The following CROT variants were observed in gnomAD, a reference collection of about 807,000 sequenced individuals.
The protein encoded by CROT is peroxisomal carnitine O-octanoyltransferase.
A neutral mutation model predicts 89.2 loss-of-function variants in CROT; 84 were observed. That is an observed-to-expected ratio of 0.94 (90% CI 0.79 to 1.13). The LOEUF is 1.13. Ranked by LOEUF, CROT falls within the 50% of genes most tolerant of loss-of-function variation. The probability of loss-of-function intolerance (pLI) is 0.00; values close to 1 mark genes in which losing one functional copy is unlikely to be tolerated. For missense variants in CROT, 711 were observed against 727.8 expected (o/e 0.98, Z 0.27); for synonymous variants, 212 against 239.5 (o/e 0.89, Z 1.06).
At chr7:87,367,256 T>C (rs1806478038) in intron 6 of CROT, among the ~76,000 whole-genome samples, 2 of 152,228 alleles carry the variant, frequency 1.3e-5, no homozygotes, top group South Asian at 4.1e-4. Flanking sequence ...ACCAAAGAGA[T>C]GGAAGTATGA....
chr7:87,359,522 C>A, intron 4 of CROT, 192 bp downstream of exon 4: 1 of 1,336,470 alleles, frequency 7.5e-7, no homozygotes, highest in Non-Finnish European at 9.6e-7. Flanking sequence ...TGTTAAAATG[C>A]AGATTTGCTG....
At chr7:87,387,502 G>T (rs1807219282) in intron 13 of CROT, among the ~76,000 whole-genome samples, 1 of 151,606 alleles carries the variant, frequency 6.6e-6, no homozygotes, top group Non-Finnish European at 1.5e-5. Flanking sequence ...CATCATGGAG[G>T]TTAGGGGTCC....
chr7:87,378,507 G>C (rs1419978380), intron 10 of CROT, among the ~76,000 whole-genome samples: 7 of 152,130 alleles, frequency 4.6e-5, no homozygotes, highest in African/African-American at 1.7e-4. Context: ...GCTTTCATTA[G>C]AAATCTCTCC....
At position 87,377,380 on chromosome 7, in the gene CROT, C is replaced by T; in HGVS notation, c.908C>T (p.Thr303Ile). 1 of 1,610,406 alleles carries T rather than the reference C, an allele frequency of 6.2e-7. No individual in the cohort carries two copies. Among genetic ancestry groups the T allele is most frequent in the African/African-American group, 1.3e-5 (1 of 74,932 alleles). Residue 303 changes from threonine (T) to isoleucine (I), a missense_variant, in exon 10 of 18, where the codon ACA becomes ATA. Transcript: ENST00000331536. ...IIAAILIGDPTVRWGDKSYNL... is the reference protein window; with the variant it reads ...IIAAILIGDPIVRWGDKSYNL... ...GCAGCCATCCTTATTGGAGATCCAA[C>T]AGTACGCTGGGGTGACAAATCCTAT...
intron 7 of CROT, among the ~76,000 whole-genome samples, chr7:87,373,373 G>A (rs866469378): frequency 4.8e-4 from 73 of 151,854 alleles, no homozygotes; most frequent in Middle Eastern, 6.8e-3. Flanking sequence ...CCTAGGCTTG[G>A]CTTTTCACTT....
In CROT at chr7:87,398,639, CT is replaced by C; in HGVS notation, c.1837del (p.Ter613ArgfsTer25). 6.2e-7 allele frequency: 1 copy of C among 1,612,936 alleles called. No individual in the cohort carries two copies. ...GATACAGCTGATGAACTCTACTCAT[CT>C]TTAGAGATGAATCATCTATTAAGCA... The part of the protein sequence containing the change: ...DMIQLMNSTH[L>X] On this transcript the variant is annotated frameshift_variant, in exon 18 of 18. Transcript: ENST00000331536. LOFTEE classifies it high-confidence loss of function.
chr7:87,361,386 T>A lies in CROT; in HGVS notation c.241-4T>A. ...ATTAAGCTGATGTTCTCAATTTCTT[T>A]TAGCTGGAAGAGTGGTGGCTGAATG... On this transcript the variant is annotated splice_polypyrimidine_tract_variant and splice_region_variant and intron_variant, in intron 4 of 17. Transcript: ENST00000331536. The A allele has an allele frequency of 6.2e-7, 1 of 1,611,440 alleles. No individual in the cohort carries two copies. The highest frequency in any genetic ancestry group is 1.7e-4 in the Middle Eastern group (1 of 6,054).
rs941233060 is a variant in CROT, at chr7:87,359,814, G to A, written c.240+484G>A. The A allele has an allele frequency of 8.1e-6, 8 of 983,236 alleles. No individual in the cohort carries two copies. The African/African-American group carries it at 1.4e-4, about 17-fold the overall frequency. The allele number at this position is 983,236 out of a possible 1,614,324, so 60.9% of individuals were successfully genotyped here. On this transcript the variant is annotated intron_variant, in intron 4 of 17. Transcript: ENST00000331536. ...TCAGTTAGATAAATTGAGGAAGCTAGTATAATAATTATTGAAGGTCTCAAT... is the reference window on the plus strand; with the variant it reads ...TCAGTTAGATAAATTGAGGAAGCTAATATAATAATTATTGAAGGTCTCAAT...
chr7:87,390,161 G>T (rs1026521366), intron 13 of CROT, among the ~76,000 whole-genome samples: 1 of 152,086 alleles, frequency 6.6e-6, no homozygotes, highest in Non-Finnish European at 1.5e-5. Context: ...AGAGCTAGAG[G>T]ATTGATAATA....
Position 87,382,151 on chromosome 7 carries a change from C to T in CROT, c.1140C>T (p.Ile380=). The T allele has an allele frequency of 1.9e-6, 3 of 1,612,890 alleles. No homozygotes were observed. Among genetic ancestry groups the T allele is most frequent in the East Asian group, 2.2e-5 (1 of 44,784 alleles). ...FIVDEKVLND[I]NQAKAQYLRE... is the part of the protein sequence containing the mutation. ...TGGATGAGAAAGTTTTAAATGACAT[C>T]AACCAAGCTAAAGCCCAGTATCTCA... Residue 380 remains isoleucine (I), a synonymous_variant, in exon 12 of 18, where the codon ATC becomes ATT. Transcript: ENST00000331536.
At chr7:87,372,870 G>C (rs1392011494) in intron 7 of CROT, among the ~76,000 whole-genome samples, 1 of 151,958 alleles carries the variant, frequency 6.6e-6, no homozygotes, top group East Asian at 1.9e-4. Context: ...GGACATTTGA[G>C]TTGTTTCTAC....
intron 13 of CROT, among the ~76,000 whole-genome samples, chr7:87,383,890 C>G (rs1457853449): frequency 1.3e-5 from 2 of 152,120 alleles, no homozygotes; most frequent in Non-Finnish European, 2.9e-5. Context: ...TGGAGTGTGG[C>G]TATCTCTTTG....
chr7:87,378,423 A>C (rs1244766805), intron 10 of CROT, among the ~76,000 whole-genome samples: 1 of 152,010 alleles, frequency 6.6e-6, no homozygotes, highest in Non-Finnish European at 1.5e-5. Context: ...AAATCAAACT[A>C]GCGTTAGCGT....
At position 87,349,185 on chromosome 7, in the gene CROT, T is replaced by C; in HGVS notation, c.115+2T>C. ...CATTAAAAAAATACCTTGAATCAGGTATGTTAATAATCTTTTAGTATATAT... is the reference window on the plus strand; with the variant it reads ...CATTAAAAAAATACCTTGAATCAGGCATGTTAATAATCTTTTAGTATATAT... On this transcript the variant is annotated splice_donor_variant, in intron 3 of 17. Coordinates refer to ENST00000331536, the MANE Select transcript of CROT (RefSeq NM_021151.4). LOFTEE classifies it high-confidence loss of function. The C allele has an allele frequency of 6.9e-7, 1 of 1,450,782 alleles. No homozygotes were observed. The highest frequency in any genetic ancestry group is 9.6e-7 in the Non-Finnish European group (1 of 1,041,544). The allele number at this position is 1,450,782 out of a possible 1,614,324, so 89.9% of individuals were successfully genotyped here. A position where few individuals can be genotyped will look rare whatever the true frequency, so the allele number is the denominator to read the frequency against.
intron 17 of CROT, among the ~76,000 whole-genome samples, chr7:87,395,203 G>C (rs31646): frequency 0.021 from 3,207 of 152,294 alleles, 117 homozygotes; most frequent in African/African-American, 0.072. Flanking sequence ...CAACGTTCAA[G>C]GCCAGGAAGC....
chr7:87,350,761 G>T (rs551443419), intron 3 of CROT, among the ~76,000 whole-genome samples: 1 of 152,128 alleles, frequency 6.6e-6, no homozygotes, highest in African/African-American at 2.4e-5. Flanking sequence ...TGATTGCATT[G>T]TTGGGTGGCA....
At chr7:87,375,571 A>T in intron 7 of CROT, 61 bp from the exon 8 acceptor site, 1 of 1,255,310 alleles carries the variant, frequency 8.0e-7, no homozygotes, top group Non-Finnish European at 1.2e-6. Flanking sequence ...GACCTTTTAA[A>T]GGCCAAAGTA....
At chr7:87,362,542 C>G (rs113110246) in intron 6 of CROT, among the ~76,000 whole-genome samples, 1 of 152,016 alleles carries the variant, frequency 6.6e-6, no homozygotes, top group African/African-American at 2.4e-5. Context: ...GCAGTCTGTC[C>G]GCCTCAGCCT....
intron 7 of CROT, chr7:87,375,294 A>T (rs995906169): frequency 1.0e-5 from 2 of 191,994 alleles, no homozygotes; most frequent in Non-Finnish European, 2.2e-5. Flanking sequence ...GATATTTTTC[A>T]AGTTCTCCAT....
Sources: gnomAD v4.1 joint callset for allele counts (sites outside exome capture counted in the v4.1 genomes callset) on GRCh38, gnomAD v4.1.1 for gene constraint, MANE v1.5 for transcripts, NCBI Gene and HGNC (gene_info 2026-07-23, HGNC 2026-07-21) for gene names.